The following ASIC2 variants were observed in gnomAD, a reference collection of about 807,000 sequenced individuals.
ASIC2 encodes acid sensing ion channel subunit 2.
ASIC2 carries 25 observed loss-of-function variants against 57.3 expected under a neutral mutation model. The observed-to-expected ratio is 0.44, with a 90% CI of 0.32 to 0.61. The LOEUF is 0.61. Among genes scored for constraint, ASIC2 ranks in the 20% least tolerant of loss-of-function variants. ASIC2 has a pLI of 0.06. For missense variants in ASIC2, 641 were observed against 738.1 expected, an observed-to-expected ratio of 0.87 and a Z score of 1.52; for synonymous variants, 319 against 307.5, an observed-to-expected ratio of 1.04 and a Z score of -0.39.
At chr17:33,661,116 C>G (rs1567682015) in intron 1 of ASIC2, among the ~76,000 whole-genome samples, 1 of 152,154 alleles carries the variant, frequency 6.6e-6, no homozygotes, top group East Asian at 1.9e-4. Context: ...CCCTCTGCCC[C>G]CGCTGCTGTC....
intron 1 of ASIC2, among the ~76,000 whole-genome samples, chr17:33,737,568 G>A (rs756475137): frequency 9.2e-5 from 14 of 152,298 alleles, no homozygotes; most frequent in Non-Finnish European, 1.9e-4. Context: ...TAACTTCTTT[G>A]AACTTCAGAT....
At chr17:33,835,590 A>C (rs1170286705) in intron 1 of ASIC2, among the ~76,000 whole-genome samples, 1 of 152,198 alleles carries the variant, frequency 6.6e-6, no homozygotes, top group African/African-American at 2.4e-5. Flanking sequence ...ACAAGTGACT[A>C]GCGGAAGATC....
At position 33,204,168 on chromosome 17, in the gene ASIC2, TC is replaced by T. The variant is rs1484042675; in HGVS notation, c.708+87239del. On this transcript the variant is annotated intron_variant, in intron 1 of 9. Transcript: ENST00000225823. ...TTTTCCCTCACCAATGTGGGGTCTT[TC>T]TCTTAAGTCTGGTTATTGTCTGGTC... is the stretch of plus-strand genomic sequence containing the variant. Among the ~76,000 whole-genome samples the T allele has an allele frequency of 2.6e-5, 4 of 152,228 alleles. No homozygotes were observed. In the East Asian group the frequency reaches 7.7e-4, roughly 29 times the overall value.
chr17:33,063,979 C>T lies in ASIC2; in HGVS notation c.987+24884G>A, dbSNP rs192922277. On this transcript the variant is annotated intron_variant, in intron 3 of 9. Transcript: ENST00000225823. The stretch of plus-strand genomic sequence containing the variant: ...GTTACTGAAGCTTGTGCATTTGTCA[C>T]GTAGTTCTCGTGCCATGGTTTTCAG... Among the ~76,000 whole-genome samples, 22 of 152,264 alleles carry T rather than the reference C, an allele frequency of 1.4e-4. No individual in the cohort carries two copies. In the East Asian group the frequency reaches 3.5e-3, roughly 24 times the overall value.
intron 1 of ASIC2, among the ~76,000 whole-genome samples, chr17:33,393,809 T>C (rs982369158): frequency 5.3e-5 from 8 of 152,160 alleles, no homozygotes; most frequent in Non-Finnish European, 8.8e-5. Context: ...CCATGATGTC[T>C]AAGAGTCCAA....
chr17:33,290,808 C>T (rs550440483), intron 1 of ASIC2: 1 of 152,340 alleles, frequency 6.6e-6, no homozygotes, highest in East Asian at 1.9e-4. Context: ...ACCAAACTGT[C>T]TACAGCTTCA....
intron 1 of ASIC2, among the ~76,000 whole-genome samples, chr17:34,031,857 G>A (rs1466137766): frequency 6.6e-6 from 1 of 152,166 alleles, no homozygotes; most frequent in Non-Finnish European, 1.5e-5. Flanking sequence ...ACTTATGGCA[G>A]TATGTGGAAA....
intron 1 of ASIC2, among the ~76,000 whole-genome samples, chr17:33,986,313 T>C (rs1212313914): frequency 6.6e-6 from 1 of 151,692 alleles, no homozygotes; most frequent in Non-Finnish European, 1.5e-5. Context: ...CAAAGTGAAG[T>C]TCTTAGTAGG....
intron 1 of ASIC2, among the ~76,000 whole-genome samples, chr17:33,908,495 G>C (rs1915395648): frequency 6.6e-6 from 1 of 152,156 alleles, no homozygotes; most frequent in African/African-American, 2.4e-5. Context: ...ATAAAAAGAT[G>C]GGGAGATCAA....
At chr17:33,342,765 G>A (rs1907778019) in intron 1 of ASIC2, among the ~76,000 whole-genome samples, 1 of 152,250 alleles carries the variant, frequency 6.6e-6, no homozygotes, top group African/African-American at 2.4e-5. Flanking sequence ...TCTGGGCAAA[G>A]CTCAGATCTT....
intron 1 of ASIC2, among the ~76,000 whole-genome samples, chr17:33,193,925 A>G (rs1906527002): frequency 6.6e-6 from 1 of 152,152 alleles, no homozygotes; most frequent in African/African-American, 2.4e-5. Context: ...ACTACTGGCC[A>G]TCTCTGGGAA....
intron 3 of ASIC2, among the ~76,000 whole-genome samples, chr17:33,031,231 C>T (rs1000127065): frequency 6.6e-6 from 1 of 151,936 alleles, no homozygotes; most frequent in Non-Finnish European, 1.5e-5. Context: ...TGTTCTTGTG[C>T]TAGTTTTGGT....
intron 1 of ASIC2, among the ~76,000 whole-genome samples, chr17:33,476,409 A>G (rs1347622593): frequency 2.0e-5 from 3 of 152,030 alleles, no homozygotes; most frequent in Non-Finnish European, 4.4e-5. Context: ...ATCGATGGAC[A>G]TTTAAACTTT....
intron 1 of ASIC2, among the ~76,000 whole-genome samples, chr17:33,288,889 C>A (rs540473781): frequency 6.6e-6 from 1 of 152,278 alleles, no homozygotes; most frequent in African/African-American, 2.4e-5. Flanking sequence ...CCAGTCAGTG[C>A]AGCTTGAGAG....
intron 1 of ASIC2, among the ~76,000 whole-genome samples, chr17:33,520,072 G>T (rs572447441): frequency 6.6e-6 from 1 of 152,306 alleles, no homozygotes; most frequent in South Asian, 2.1e-4. Context: ...CCATCCAAGA[G>T]CTGATTATGA....
intron 1 of ASIC2, among the ~76,000 whole-genome samples, chr17:33,750,969 T>C (rs1222109144): frequency 6.6e-6 from 1 of 152,154 alleles, no homozygotes; most frequent in African/African-American, 2.4e-5. Context: ...TTCACAGAGC[T>C]ATTTAAATAC....
rs918114287 is a variant in ASIC2 at position 34,089,085 on chromosome 17, C to A, written c.555+66893G>T. 4.8e-4 allele frequency among the ~76,000 whole-genome samples: 73 copies of A among 152,334 alleles called. 1 individual carries two copies. Among genetic ancestry groups the A allele is most frequent in the Admixed American group, 2.3e-3 (35 of 15,300 alleles). On this transcript the variant is annotated intron_variant, in intron 1 of 9. Transcript: ENST00000359872. ...TCTGGCACTCCCTAGTGAGATGAACCCGGTACCTCAGATGGAAATGCAGAA... is the reference window on the plus strand; with the variant it reads ...TCTGGCACTCCCTAGTGAGATGAACACGGTACCTCAGATGGAAATGCAGAA...
At chr17:33,357,263 T>C (rs1008961676) in intron 1 of ASIC2, among the ~76,000 whole-genome samples, 4 of 152,006 alleles carry the variant, frequency 2.6e-5, no homozygotes, top group Admixed American at 6.5e-5. Flanking sequence ...GGGGGTACAG[T>C]TGAGCTTCAA....
intron 1 of ASIC2, among the ~76,000 whole-genome samples, chr17:33,675,118 C>T (rs1907776611): frequency 1.3e-5 from 2 of 152,166 alleles, no homozygotes; most frequent in Admixed American, 1.3e-4. Flanking sequence ...TAGACCAGTA[C>T]CAGGCACATA....
Sources: gnomAD v4.1 joint callset for allele counts (sites outside exome capture counted in the v4.1 genomes callset) on GRCh38, gnomAD v4.1.1 for gene constraint, MANE v1.5 for transcripts, NCBI Gene and HGNC (gene_info 2026-07-23, HGNC 2026-07-21) for gene names.